Variants in SDCCAG8 observed in about 807,000 individuals in gnomAD.
SDCCAG8 encodes serologically defined colon cancer antigen 8.
A neutral mutation model predicts 101.8 loss-of-function variants in SDCCAG8; 74 were observed. That is an observed-to-expected ratio of 0.73 (90% CI 0.60 to 0.88). The LOEUF is 0.88. Among genes scored for constraint, SDCCAG8 ranks in the 40% least tolerant of loss-of-function variants. SDCCAG8 has a pLI of 0.00. For missense variants in SDCCAG8, 787 were observed against 822.6 expected, an observed-to-expected ratio of 0.96 and a Z score of 0.53; for synonymous variants, 281 against 292.9, an observed-to-expected ratio of 0.96 and a Z score of 0.41.
chr1:243,268,079 T>C (rs2067778382), intron 1 of SDCCAG8: 4 of 745,152 alleles, frequency 5.4e-6, no homozygotes, highest in Admixed American at 1.9e-5. Context: ...AAGCGTTTGC[T>C]TCATGGTTGT....
intron 13 of SDCCAG8, among the ~76,000 whole-genome samples, chr1:243,405,010 G>A (rs1054493589): frequency 4.6e-5 from 7 of 151,934 alleles, no homozygotes; most frequent in African/African-American, 1.7e-4. Context: ...GGGATTACAG[G>A]CATGCACACC....
At chr1:243,394,532 T>A (rs2078919827) in intron 13 of SDCCAG8, among the ~76,000 whole-genome samples, 1 of 152,184 alleles carries the variant, frequency 6.6e-6, no homozygotes, top group African/African-American at 2.4e-5. Context: ...GAATATCCTC[T>A]GTCGTTAAAA....
chr1:243,495,446 T>C (rs1173093936), intron 17 of SDCCAG8, among the ~76,000 whole-genome samples: 1 of 152,154 alleles, frequency 6.6e-6, no homozygotes, highest in East Asian at 1.9e-4. Context: ...CTGACTGCGG[T>C]GTGGAGGCTG....
chr1:243,497,726 T>A (rs1169600792), intron 17 of SDCCAG8, among the ~76,000 whole-genome samples: 1 of 152,208 alleles, frequency 6.6e-6, no homozygotes, highest in African/African-American at 2.4e-5. Flanking sequence ...TGTGTGTACG[T>A]GGGTGTGTTC....
At chr1:243,429,667 T>C (rs1434381357) in intron 16 of SDCCAG8, among the ~76,000 whole-genome samples, 1 of 150,280 alleles carries the variant, frequency 6.7e-6, no homozygotes, top group East Asian at 2.0e-4. Context: ...CAGGTAGGGC[T>C]ACAGGTACAT....
chr1:243,487,603 A>T (rs952761927), intron 16 of SDCCAG8, among the ~76,000 whole-genome samples: 3 of 152,024 alleles, frequency 2.0e-5, no homozygotes, highest in Non-Finnish European at 4.4e-5. Context: ...CAGGCTCCAA[A>T]GAGGCGCCAG....
intron 6 of SDCCAG8, among the ~76,000 whole-genome samples, chr1:243,302,552 A>AT (rs1406791467): frequency 6.6e-6 from 1 of 152,198 alleles, no homozygotes; most frequent in Admixed American, 6.5e-5. Flanking sequence ...TTGTGCCACA[A>AT]GAAGGCCTGG....
intron 10 of SDCCAG8, among the ~76,000 whole-genome samples, chr1:243,331,292 C>T (rs191091822): frequency 3.9e-5 from 6 of 152,288 alleles, no homozygotes; most frequent in East Asian, 1.9e-4. Context: ...TGAGTGGGAC[C>T]TAGCTTTAAA....
chr1:243,488,127 A>T (rs1665445517), intron 16 of SDCCAG8: 1 of 152,240 alleles, frequency 6.6e-6, no homozygotes, highest in Admixed American at 6.5e-5. Flanking sequence ...GAAGGCCCAA[A>T]CGTGTGGCCG....
chr1:243,452,594 T>TA (rs2083454253), intron 16 of SDCCAG8, among the ~76,000 whole-genome samples: 2 of 151,688 alleles, frequency 1.3e-5, no homozygotes, highest in African/African-American at 4.9e-5. Flanking sequence ...TGGCTATATA[T>TA]ATATGTATAT....
chr1:243,286,122 G>T (rs1465422806), intron 4 of SDCCAG8, 150 bp from the exon 5 acceptor site: 4 of 816,558 alleles, frequency 4.9e-6, no homozygotes, highest in Non-Finnish European at 7.9e-6. Flanking sequence ...GCTAATGTTA[G>T]GCTGCCTTGT....
intron 12 of SDCCAG8, among the ~76,000 whole-genome samples, chr1:243,356,504 T>C (rs997801366): frequency 3.3e-5 from 5 of 151,556 alleles, no homozygotes; most frequent in Non-Finnish European, 5.9e-5. Flanking sequence ...CTAAGAAGAA[T>C]TGGGCTTTTT....
intron 16 of SDCCAG8, among the ~76,000 whole-genome samples, chr1:243,461,975 CAGAGCTCATA>C (rs1465389417): frequency 6.6e-6 from 1 of 152,156 alleles, no homozygotes; most frequent in East Asian, 1.9e-4. Context: ...CCACTGTGAT[CAGAGCTCATA>C]AGAGGTACTT....
chr1:243,484,491 G>A (rs1664375317), intron 16 of SDCCAG8, among the ~76,000 whole-genome samples: 1 of 152,222 alleles, frequency 6.6e-6, no homozygotes, highest in African/African-American at 2.4e-5. Context: ...AATTGTGAGT[G>A]CTAAATAAAC....
chr1:243,430,054 G>A (rs2081618238), intron 16 of SDCCAG8, among the ~76,000 whole-genome samples: 1 of 151,964 alleles, frequency 6.6e-6, no homozygotes, highest in Admixed American at 6.6e-5. Context: ...GTCTGGTCTT[G>A]AATTCCTCGC....
chr1:243,467,380 G>A (rs1660357865), intron 16 of SDCCAG8, among the ~76,000 whole-genome samples: 1 of 152,188 alleles, frequency 6.6e-6, no homozygotes. Flanking sequence ...GTCAGATAAA[G>A]GAGACACCAG....
intron 13 of SDCCAG8, among the ~76,000 whole-genome samples, chr1:243,400,009 T>TG (rs1292071903): frequency 1.3e-5 from 2 of 152,194 alleles, no homozygotes; most frequent in African/African-American, 2.4e-5. Context: ...TGCTAAGTGG[T>TG]GGCGTAGGCA....
At chr1:243,343,781 G>T (rs941940598) in intron 11 of SDCCAG8, among the ~76,000 whole-genome samples, 1 of 152,272 alleles carries the variant, frequency 6.6e-6, no homozygotes, top group Admixed American at 6.5e-5. Context: ...CTTTTAAAGA[G>T]CATAACTGAT....
chr1:243,290,200 C>T (rs1286260390), intron 5 of SDCCAG8, among the ~76,000 whole-genome samples: 1 of 136,888 alleles, frequency 7.3e-6, no homozygotes, highest in Non-Finnish European at 1.6e-5. Flanking sequence ...CTTACCACCG[C>T]TCCCGCCCCC....
Sources: allele counts gnomAD v4.1 joint callset (sites outside exome capture counted in the v4.1 genomes callset), GRCh38; gene constraint gnomAD v4.1.1; transcripts MANE v1.5; gene names NCBI Gene and HGNC (gene_info 2026-07-23, HGNC 2026-07-21).